The following CD96 variants were observed in gnomAD, a reference collection of about 807,000 sequenced individuals.
CD96 encodes the protein CD96 molecule.
A neutral mutation model predicts 71.3 loss-of-function variants in CD96; 70 were observed. The observed-to-expected ratio is 0.98, with a 90% CI of 0.81 to 1.20. The LOEUF (loss-of-function observed/expected upper bound fraction) is 1.20, where lower values mean the gene tolerates loss of function less well. Among genes scored for constraint, CD96 ranks in the 50% most tolerant of loss-of-function variants. CD96 has a pLI of 0.00. For missense variants in CD96, 742 were observed against 677.5 expected, an observed-to-expected ratio of 1.10 and a Z score of -1.06; for synonymous variants, 248 against 233.0, an observed-to-expected ratio of 1.06 and a Z score of -0.59.
intron 12 of CD96, among the ~76,000 whole-genome samples, chr3:111,644,712 G>A (rs1364617382): frequency 6.6e-6 from 1 of 152,086 alleles, no homozygotes; most frequent in African/African-American, 2.4e-5. Context: ...CTAAGGACAT[G>A]AATAGACAAT....
At chr3:111,623,936 G>T (rs1056787525) in intron 9 of CD96, 114 bp downstream of exon 9, 1 of 768,796 alleles carries the variant, frequency 1.3e-6, no homozygotes, top group East Asian at 2.6e-5. Context: ...TTCATTTGAT[G>T]TTTGTTAATA....
chr3:111,600,053 CA>C (rs1288413073), intron 6 of CD96, among the ~76,000 whole-genome samples: 2 of 152,210 alleles, frequency 1.3e-5, no homozygotes, highest in Non-Finnish European at 2.9e-5. Flanking sequence ...TCACAGGACC[CA>C]AAATGCAATG....
intron 10 of CD96, among the ~76,000 whole-genome samples, chr3:111,636,032 A>T (rs771522383): frequency 2.0e-5 from 3 of 152,216 alleles, no homozygotes; most frequent in Non-Finnish European, 4.4e-5. Flanking sequence ...ATCATCATCA[A>T]TAGACCTTGA....
chr3:111,582,677 A>G (rs1440933069), intron 4 of CD96, among the ~76,000 whole-genome samples: 1 of 152,222 alleles, frequency 6.6e-6, no homozygotes, highest in Non-Finnish European at 1.5e-5. Flanking sequence ...GAATCATGGC[A>G]GGAGGTGAAA....
intron 12 of CD96, among the ~76,000 whole-genome samples, chr3:111,640,991 T>C (rs955436846): frequency 1.1e-4 from 17 of 152,188 alleles, no homozygotes; most frequent in Non-Finnish European, 1.3e-4. Flanking sequence ...GAGCTCTAAA[T>C]CTTGAAACAA....
chr3:111,639,583 A>C (rs1939499451), intron 12 of CD96, among the ~76,000 whole-genome samples: 1 of 152,130 alleles, frequency 6.6e-6, no homozygotes, highest in African/African-American at 2.4e-5. Flanking sequence ...TAATCTTGGG[A>C]GTTCTAAGGC....
intron 4 of CD96, among the ~76,000 whole-genome samples, chr3:111,582,972 C>A (rs1936537513): frequency 6.6e-6 from 1 of 152,228 alleles, no homozygotes; most frequent in Non-Finnish European, 1.5e-5. Context: ...CCCATATTCT[C>A]AACCCATTTC....
At chr3:111,593,474 G>C in intron 5 of CD96, 1 of 1,489,678 alleles carries the variant, frequency 6.7e-7, no homozygotes, top group Non-Finnish European at 8.9e-7. Flanking sequence ...TTACATTTGA[G>C]TTGAAACTAA....
intron 4 of CD96, among the ~76,000 whole-genome samples, chr3:111,582,753 A>G (rs1310234926): frequency 6.6e-6 from 1 of 152,182 alleles, no homozygotes; most frequent in Non-Finnish European, 1.5e-5. Flanking sequence ...TGCCTGATAA[A>G]CCCATTAGAT....
downstream of CD96, among the ~76,000 whole-genome samples, chr3:111,654,662 C>G (rs887700685): frequency 4.6e-4 from 70 of 152,192 alleles, 4 homozygotes. Context: ...TAGGGAAGAG[C>G]AACAAACCCA....
chr3:111,587,528 G>C (rs1464070549), intron 5 of CD96, among the ~76,000 whole-genome samples: 2 of 152,116 alleles, frequency 1.3e-5, no homozygotes, highest in Non-Finnish European at 2.9e-5. Flanking sequence ...TACCATTCTG[G>C]GATCTGAAGA....
intron 12 of CD96, among the ~76,000 whole-genome samples, chr3:111,647,337 C>T (rs951692184): frequency 6.6e-6 from 1 of 151,928 alleles, no homozygotes; most frequent in Non-Finnish European, 1.5e-5. Flanking sequence ...TATATATATC[C>T]ACAGAAAATT....
chr3:111,614,609 C>T (rs965150334), intron 8 of CD96, among the ~76,000 whole-genome samples: 1 of 152,146 alleles, frequency 6.6e-6, no homozygotes, highest in African/African-American at 2.4e-5. Flanking sequence ...TCTAGGTGTT[C>T]TTCCTGAGTG....
At chr3:111,561,816 C>G (rs1403901969) in intron 2 of CD96, among the ~76,000 whole-genome samples, 306 of 144,722 alleles carry the variant, frequency 2.1e-3, no homozygotes, top group African/African-American at 4.8e-3. Context: ...GCCTCGCTGC[C>G]GACTTGCAGT....
Position 111,650,286 on chromosome 3 carries a change from G to T in CD96, c.*480G>T. 1 of 181,578 alleles carries T rather than the reference G, an allele frequency of 5.5e-6. No individual in the cohort carries two copies. The allele number at this position is 181,578 out of a possible 1,614,324, so 11.2% of individuals were successfully genotyped here. On this transcript the variant is annotated 3_prime_UTR_variant, in exon 14 of 14. Transcript: ENST00000352690. ...AGTGCTAACAAGGCTGCCAAGTAAT[G>T]GAGAAGTATGGTTAGTCTTCATATT...
intron 12 of CD96, among the ~76,000 whole-genome samples, chr3:111,638,687 G>T (rs1006196635): frequency 3.9e-5 from 6 of 152,168 alleles, no homozygotes; most frequent in Non-Finnish European, 7.4e-5. Flanking sequence ...GGTCATGATT[G>T]TAAGTTCACA....
intron 2 of CD96, among the ~76,000 whole-genome samples, chr3:111,560,297 C>T (rs1224330958): frequency 6.6e-6 from 1 of 151,856 alleles, no homozygotes; most frequent in Non-Finnish European, 1.5e-5. Flanking sequence ...CAGTTTCTTC[C>T]TAGTCTCGAT....
chr3:111,608,589 A>G (rs1427241934), intron 8 of CD96, among the ~76,000 whole-genome samples: 2 of 152,196 alleles, frequency 1.3e-5, no homozygotes, highest in Non-Finnish European at 2.9e-5. Context: ...CATACCTAGT[A>G]AGTGACAGTG....
intron 6 of CD96, among the ~76,000 whole-genome samples, 159 bp downstream of exon 6, chr3:111,598,369 C>T (rs1203335620): frequency 6.6e-6 from 1 of 152,172 alleles, no homozygotes; most frequent in East Asian, 1.9e-4. Context: ...TCTGATGCTT[C>T]ATCTGTTTCT....
Sources: gnomAD v4.1 joint callset for allele counts (sites outside exome capture counted in the v4.1 genomes callset) on GRCh38, gnomAD v4.1.1 for gene constraint, MANE v1.5 for transcripts, NCBI Gene and HGNC (gene_info 2026-07-23, HGNC 2026-07-21) for gene names.